The following STAG1 variants were observed in gnomAD, a reference collection of about 807,000 sequenced individuals.
STAG1 encodes STAG1 cohesin complex component.
Under a neutral mutation model 170.9 loss-of-function variants are expected in STAG1, and 26 were observed. The ratio of observed to expected loss-of-function variants is 0.15; its 90% CI spans 0.11 to 0.21. The LOEUF (loss-of-function observed/expected upper bound fraction) is 0.21. Ranked by LOEUF, STAG1 falls within the 10% of genes least tolerant of loss-of-function variation. STAG1 has a pLI of 1.00. For missense variants in STAG1, 964 were observed against 1,509.5 expected, an observed-to-expected ratio of 0.64 and a Z score of 5.99; for synonymous variants, 514 against 497.7, an observed-to-expected ratio of 1.03 and a Z score of -0.44.
At chr3:136,623,023 T>A in intron 3 of STAG1, 123 bp downstream of exon 3, 1 of 750,250 alleles carries the variant, frequency 1.3e-6, no homozygotes, top group Middle Eastern at 2.6e-4. Flanking sequence ...AAGTTTCCAA[T>A]CTCTATTGTG....
intron 4 of STAG1, among the ~76,000 whole-genome samples, chr3:136,580,046 C>T (rs780684251): frequency 2.9e-5 from 4 of 139,366 alleles, no homozygotes; most frequent in African/African-American, 1.1e-4. Context: ...CGGCTCACTG[C>T]AACCTCCACC....
At chr3:136,718,294 G>C (rs1932983593) in intron 1 of STAG1, among the ~76,000 whole-genome samples, 1 of 151,834 alleles carries the variant, frequency 6.6e-6, no homozygotes, top group African/African-American at 2.4e-5. Context: ...TTTGAAGCTG[G>C]GTAAAAATTA....
At chr3:136,504,252 A>G (rs1334951240) in intron 7 of STAG1, among the ~76,000 whole-genome samples, 1 of 152,212 alleles carries the variant, frequency 6.6e-6, no homozygotes, top group Non-Finnish European at 1.5e-5. Context: ...AAACATCCTG[A>G]AAAAACAAAC....
chr3:136,733,060 TA>T (rs1934132706), intron 1 of STAG1, among the ~76,000 whole-genome samples: 1 of 151,250 alleles, frequency 6.6e-6, no homozygotes, highest in African/African-American at 2.4e-5. Flanking sequence ...CACAACACAA[TA>T]TAGTCTAGTG....
chr3:136,541,718 C>A (rs1294493303), intron 6 of STAG1, among the ~76,000 whole-genome samples: 1 of 152,104 alleles, frequency 6.6e-6, no homozygotes, highest in Non-Finnish European at 1.5e-5. Flanking sequence ...ATCTCTGAGA[C>A]AGGTATAATA....
chr3:136,398,399 T>C (rs1015954966), intron 22 of STAG1, among the ~76,000 whole-genome samples: 1 of 152,292 alleles, frequency 6.6e-6, no homozygotes, highest in African/African-American at 2.4e-5. Flanking sequence ...ATTATAGGCG[T>C]AAGCCACCGT....
At chr3:136,504,709 T>C (rs1219650133) in intron 7 of STAG1, among the ~76,000 whole-genome samples, 1 of 152,198 alleles carries the variant, frequency 6.6e-6, no homozygotes, top group Non-Finnish European at 1.5e-5. Flanking sequence ...ATGACTTGAA[T>C]ATCCAGGAGC....
chr3:136,565,692 G>A (rs1476545103), intron 5 of STAG1, among the ~76,000 whole-genome samples: 1 of 152,150 alleles, frequency 6.6e-6, no homozygotes, highest in Non-Finnish European at 1.5e-5. Context: ...ACACCTCAAA[G>A]ACTCAAAAAC....
At chr3:136,425,838 A>C (rs573679584) in intron 16 of STAG1, among the ~76,000 whole-genome samples, 1 of 151,542 alleles carries the variant, frequency 6.6e-6, no homozygotes, top group South Asian at 2.1e-4. Flanking sequence ...ATTAGTATGA[A>C]GGGGCTTATC....
intron 6 of STAG1, among the ~76,000 whole-genome samples, chr3:136,539,782 G>A (rs1484711981): frequency 6.6e-6 from 1 of 152,142 alleles, no homozygotes; most frequent in Non-Finnish European, 1.5e-5. Flanking sequence ...ATTTTAAAAA[G>A]ATTATTAACC....
At chr3:136,587,992 C>A (rs1412592459) in intron 4 of STAG1, among the ~76,000 whole-genome samples, 1 of 152,098 alleles carries the variant, frequency 6.6e-6, no homozygotes, top group Non-Finnish European at 1.5e-5. Context: ...AAATAGCCTA[C>A]ACTTAACACA....
chr3:136,401,668 G>T (rs774768628), intron 21 of STAG1, among the ~76,000 whole-genome samples: 2 of 151,852 alleles, frequency 1.3e-5, no homozygotes, highest in Non-Finnish European at 2.9e-5. Context: ...CCCGGGCCTT[G>T]GATAGATCTT....
intron 22 of STAG1, among the ~76,000 whole-genome samples, chr3:136,397,097 T>C (rs2087185883): frequency 6.6e-6 from 1 of 152,254 alleles, no homozygotes; most frequent in African/African-American, 2.4e-5. Context: ...TACTCATCTT[T>C]ACTGGTTAAA....
intron 2 of STAG1, among the ~76,000 whole-genome samples, chr3:136,626,460 A>G (rs1257186506): frequency 6.6e-6 from 1 of 151,840 alleles, no homozygotes; most frequent in East Asian, 1.9e-4. Flanking sequence ...AAAAAACCAT[A>G]CAGTATATAT....
intron 1 of STAG1, among the ~76,000 whole-genome samples, chr3:136,734,008 G>T (rs1354889249): frequency 1.3e-5 from 2 of 151,692 alleles, no homozygotes; most frequent in Non-Finnish European, 2.9e-5. Flanking sequence ...TCAGGAGGCT[G>T]AGGCAGGAGA....
chr3:136,410,845 A>G (rs1465029853), intron 21 of STAG1, among the ~76,000 whole-genome samples: 1 of 152,128 alleles, frequency 6.6e-6, no homozygotes, highest in Admixed American at 6.5e-5. Context: ...ACGGTGGCAC[A>G]TGCCTGTCAT....
intron 22 of STAG1, among the ~76,000 whole-genome samples, chr3:136,382,608 G>A (rs1252044570): frequency 6.6e-6 from 1 of 151,708 alleles, no homozygotes; most frequent in African/African-American, 2.4e-5. Context: ...ACAGGGTTTC[G>A]CCATGTTGAC....
At chr3:136,728,488 C>G (rs1933815787) in intron 1 of STAG1, among the ~76,000 whole-genome samples, 1 of 152,164 alleles carries the variant, frequency 6.6e-6, no homozygotes, top group South Asian at 2.1e-4. Context: ...CAACTAACTT[C>G]TCCGTGCCTC....
At chr3:136,444,568 G>GAAT (rs1197181977) in intron 14 of STAG1, among the ~76,000 whole-genome samples, 7 of 152,088 alleles carry the variant, frequency 4.6e-5, no homozygotes, top group Admixed American at 2.0e-4. Flanking sequence ...ATCCATTCTT[G>GAAT]GGTTATTAAA....
Sources: gnomAD v4.1 joint callset for allele counts (sites outside exome capture counted in the v4.1 genomes callset) on GRCh38, gnomAD v4.1.1 for gene constraint, MANE v1.5 for transcripts, NCBI Gene and HGNC (gene_info 2026-07-23, HGNC 2026-07-21) for gene names.